Variants in FGF13 observed in about 807,000 individuals in gnomAD.
FGF13 encodes the protein fibroblast growth factor 13.
Under a neutral mutation model 19.5 loss-of-function variants are expected in FGF13, and 2 were observed. The ratio of observed to expected loss-of-function variants is 0.10; its 90% confidence interval spans 0.04 to 0.32. FGF13 has a LOEUF of 0.32. Ranked by LOEUF, FGF13 falls within the 10% of genes least tolerant of loss-of-function variation. The pLI, the probability that FGF13 is intolerant of heterozygous loss-of-function variation, is 1.00. For synonymous variants in FGF13, 72 were observed against 76.9 expected (o/e 0.94, Z 0.33); for missense variants, 113 against 192.7 (o/e 0.59, Z 2.45).
At chrX:138,703,433 T>C (rs2089966500) in intron 2 of FGF13, among the ~76,000 whole-genome samples, 1 of 112,081 alleles carries the variant, frequency 8.9e-6, no homozygotes, top group Non-Finnish European at 1.9e-5. Flanking sequence ...GTGGGGAATC[T>C]TGATGCTTCT....
intron 3 of FGF13, among the ~76,000 whole-genome samples, chrX:138,783,639 G>C (rs2090666512): frequency 1.0e-5 from 1 of 98,556 alleles, no homozygotes; most frequent in African/African-American, 3.5e-5. Context: ...CACTTAGAAT[G>C]GCAATCATTA....
chrX:138,830,694 T>TGTGTGTGC (rs1258414587), intron 3 of FGF13, among the ~76,000 whole-genome samples: 6 of 95,987 alleles, frequency 6.3e-5, no homozygotes, highest in Non-Finnish European at 1.1e-4. Context: ...TGTTTGTGTG[T>TGTGTGTGC]GTGTGTGTGT....
rs1171059518 is a variant in FGF13, at chrX:139,074,975, C to A, written c.-113+128441G>T. 4.0e-5 allele frequency among the ~76,000 whole-genome samples: 3 copies of A among 74,467 alleles called. No individual in the cohort carries two copies. The East Asian group carries it at 1.3e-3, about 32-fold the overall frequency. 64.7% of individuals were successfully genotyped at this position (74,467 alleles called of 115,157 possible). On this transcript the variant is annotated intron_variant, in intron 1 of 2. Transcript: ENST00000421460. ...AGTTTCACTGTCTCAGAATGTGAAG[C>A]TCCATCAGTGAAGTTCGCTGATGCC... is the stretch of plus-strand genomic sequence containing the variant.
chrX:138,887,843 T>C (rs2091458312), intron 1 of FGF13, among the ~76,000 whole-genome samples: 1 of 111,889 alleles, frequency 8.9e-6, no homozygotes, highest in Non-Finnish European at 1.9e-5. Context: ...CACTTAAATG[T>C]GACTGCCTTT....
chrX:139,057,372 C>T (rs1396712131), intron 1 of FGF13, among the ~76,000 whole-genome samples: 8 of 110,138 alleles, frequency 7.3e-5, no homozygotes, highest in Admixed American at 9.7e-5. Context: ...AGACACTGAC[C>T]ATACGGAGTG....
chrX:138,959,446 T>C (rs2091858292), intron 1 of FGF13, among the ~76,000 whole-genome samples: 1 of 112,133 alleles, frequency 8.9e-6, no homozygotes, highest in Admixed American at 9.5e-5. Context: ...TCTAACTATG[T>C]GGTCAATTTT....
chrX:139,018,052 G>C (rs771465118), intron 1 of FGF13, among the ~76,000 whole-genome samples: 6 of 111,917 alleles, frequency 5.4e-5, no homozygotes, highest in African/African-American at 1.6e-4. Context: ...AAATCAAAGT[G>C]CAAGTTGTGT....
chrX:139,004,354 C>T (rs912656901), intron 1 of FGF13, among the ~76,000 whole-genome samples: 2 of 112,932 alleles, frequency 1.8e-5, no homozygotes, highest in Non-Finnish European at 3.8e-5. Context: ...CCACCCGGAA[C>T]TCCAGCTGGC....
At chrX:138,905,696 T>C (rs2091554010) in intron 1 of FGF13, among the ~76,000 whole-genome samples, 1 of 112,464 alleles carries the variant, frequency 8.9e-6, no homozygotes, top group Non-Finnish European at 1.9e-5. Flanking sequence ...CAGGAAGCCC[T>C]GACATGCTCT....
Position 138,711,134 on chromosome X carries a change from G to A in FGF13, c.-131C>T. Reference sequence around the variant, plus strand: ...TGGTCTCCTTAGCCTGCGTTTGCCCGGGCTTCTCCGCACTCGGGCTTCAGC... The same window carrying A: ...TGGTCTCCTTAGCCTGCGTTTGCCCAGGCTTCTCCGCACTCGGGCTTCAGC... On this transcript the variant is annotated 5_prime_UTR_variant, in exon 1 of 5. Transcript: ENST00000315930. The A allele has an allele frequency of 2.7e-6, 3 of 1,096,291 alleles. No homozygotes were observed. Among genetic ancestry groups the A allele is most frequent in the South Asian group, 2.3e-5 (1 of 42,776 alleles). The allele number at this position is 1,096,291 out of a possible 1,213,427, so 90.3% of individuals were successfully genotyped here.
At chrX:139,078,853 T>A (rs2083350398) in intron 1 of FGF13, among the ~76,000 whole-genome samples, 1 of 112,873 alleles carries the variant, frequency 8.9e-6, no homozygotes, top group African/African-American at 3.2e-5. Context: ...ACAAAATTGG[T>A]GAAAGAATCT....
intron 1 of FGF13, among the ~76,000 whole-genome samples, chrX:138,871,733 G>A (rs1283561893): frequency 9.0e-6 from 1 of 111,437 alleles, no homozygotes; most frequent in African/African-American, 3.3e-5. Flanking sequence ...TATCAAAAAT[G>A]TAAAGGTCCT....
At chrX:139,098,084 G>A (rs1200475216) in intron 1 of FGF13, among the ~76,000 whole-genome samples, 1 of 111,154 alleles carries the variant, frequency 9.0e-6, no homozygotes, top group African/African-American at 3.3e-5. Context: ...CAAAAAGTTT[G>A]GAGGCAGAAA....
intron 1 of FGF13, among the ~76,000 whole-genome samples, chrX:139,037,660 C>A (rs1398636787): frequency 1.8e-5 from 2 of 111,777 alleles, no homozygotes; most frequent in Non-Finnish European, 3.8e-5. Flanking sequence ...CATCCATGGG[C>A]ACATCTCATT....
At chrX:138,878,655 G>A (rs1171346151) in intron 1 of FGF13, among the ~76,000 whole-genome samples, 1 of 108,021 alleles carries the variant, frequency 9.3e-6, no homozygotes, top group Non-Finnish European at 1.9e-5. Flanking sequence ...ATAATCCTTT[G>A]GGTATATACC....
intron 1 of FGF13, among the ~76,000 whole-genome samples, chrX:138,961,540 G>A (rs1033905363): frequency 9.9e-5 from 11 of 111,395 alleles, no homozygotes; most frequent in Non-Finnish European, 1.5e-4. Context: ...AGACAGGGAC[G>A]TTAAAGTCTG....
intron 1 of FGF13, among the ~76,000 whole-genome samples, chrX:138,946,383 G>C (rs766537055): frequency 4.3e-4 from 48 of 111,760 alleles, no homozygotes; most frequent in African/African-American, 1.6e-3. Context: ...AATTATTAAT[G>C]GTCCCAATTC....
intron 3 of FGF13, among the ~76,000 whole-genome samples, chrX:138,843,124 G>A (rs767325475): frequency 1.8e-5 from 2 of 111,819 alleles, no homozygotes; most frequent in Non-Finnish European, 3.8e-5. Context: ...AGGGGCACAG[G>A]TTGGCTTCTG....
At chrX:139,203,272 G>A in intron 1 of FGF13, 1 of 111,416 alleles carries the variant, frequency 9.0e-6, no homozygotes, top group South Asian at 3.9e-4. Flanking sequence ...GCAAACAGAG[G>A]AAGAGGACTG....
Sources: allele counts gnomAD v4.1 joint callset (sites outside exome capture counted in the v4.1 genomes callset), GRCh38; gene constraint gnomAD v4.1.1; transcripts MANE v1.5; gene names NCBI Gene and HGNC (gene_info 2026-07-23, HGNC 2026-07-21).